The following NFIA variants were observed in gnomAD, a reference collection of about 807,000 sequenced individuals.
NFIA encodes nuclear factor 1 A-type.
Under a neutral mutation model 62.8 loss-of-function variants are expected in NFIA, and 8 were observed. The ratio of observed to expected loss-of-function variants is 0.13; its 90% CI spans 0.07 to 0.23. NFIA has a LOEUF of 0.23. NFIA is among the 10% of genes least tolerant of loss of function. NFIA has a pLI of 1.00. For missense variants in NFIA, 410 were observed against 642.1 expected (o/e 0.64, Z 3.91); for synonymous variants, 235 against 238.1 (o/e 0.99, Z 0.12).
chr1:61,163,465 G>A (rs1407323640), intron 2 of NFIA, among the ~76,000 whole-genome samples: 2 of 152,054 alleles, frequency 1.3e-5, no homozygotes, highest in East Asian at 1.9e-4. Context: ...AAACATCATG[G>A]TATTTGTAAA....
In NFIA at chr1:61,361,647, CTT is replaced by C. The variant is rs754138084; in HGVS notation, c.946+2376_946+2377del. Among the ~76,000 whole-genome samples, 5 of 152,178 alleles carry C rather than the reference CTT, an allele frequency of 3.3e-5. No homozygotes were observed. The South Asian group carries it at 8.3e-4, about 25-fold the overall frequency. On this transcript the variant is annotated intron_variant, in intron 6 of 10. Coordinates refer to ENST00000403491, the MANE Select transcript of NFIA (RefSeq NM_001134673.4). Reference sequence around the variant, plus strand: ...TACAGAATATTTTGACCTAGTGACTCTTTTATTCAGGGCAATTCCTATTCCTA... The same window carrying C: ...TACAGAATATTTTGACCTAGTGACTCTTATTCAGGGCAATTCCTATTCCTA...
intron 3 of NFIA, among the ~76,000 whole-genome samples, chr1:61,314,700 A>C (rs978149963): frequency 6.6e-6 from 1 of 152,128 alleles, no homozygotes; most frequent in African/African-American, 2.4e-5. Flanking sequence ...GTTGCCCCCC[A>C]TAAATTTGAC....
rs538521743 is a variant in NFIA, at chr1:61,370,145, G to A, written c.946+10871G>A. ...ACGCTGCTGTGCAGCAGTTTCTCAT[G>A]AGGCTGTGCACATCCCAATTGCTTT... On this transcript the variant is annotated intron_variant, in intron 6 of 10. Transcript: ENST00000403491. 2.0e-5 allele frequency among the ~76,000 whole-genome samples: 3 copies of A among 152,332 alleles called. No individual in the cohort carries two copies. In the South Asian group the frequency reaches 6.2e-4, roughly 32 times the overall value.
chr1:61,371,823 G>A (rs1033993508), intron 6 of NFIA, among the ~76,000 whole-genome samples: 3 of 152,094 alleles, frequency 2.0e-5, no homozygotes, highest in African/African-American at 7.2e-5. Flanking sequence ...CTTTGGTTTG[G>A]GTGTAGCCAG....
intron 5 of NFIA, among the ~76,000 whole-genome samples, chr1:61,354,031 T>C (rs1296687167): frequency 6.6e-6 from 1 of 152,208 alleles, no homozygotes; most frequent in Non-Finnish European, 1.5e-5. Flanking sequence ...CTGTTTGTTT[T>C]TCATGTGTGT....
chr1:61,140,634 T>G (rs1355423434), intron 2 of NFIA, among the ~76,000 whole-genome samples: 2 of 152,166 alleles, frequency 1.3e-5, no homozygotes, highest in Non-Finnish European at 2.9e-5. Flanking sequence ...AAGAACATTT[T>G]CAGATTGTTT....
chr1:61,247,715 G>A (rs893811774), intron 2 of NFIA, among the ~76,000 whole-genome samples: 3 of 152,188 alleles, frequency 2.0e-5, no homozygotes, highest in Middle Eastern at 3.4e-3. Context: ...CAAATATTGG[G>A]CCTTTGAGTT....
At chr1:61,109,816 A>C (rs1646665429) in intron 2 of NFIA, among the ~76,000 whole-genome samples, 1 of 151,974 alleles carries the variant, frequency 6.6e-6, no homozygotes, top group Non-Finnish European at 1.5e-5. Context: ...TGATCCACAA[A>C]GAGGATTTGC....
chr1:61,130,059 C>T (rs1187809707), intron 2 of NFIA, among the ~76,000 whole-genome samples: 1 of 152,052 alleles, frequency 6.6e-6, no homozygotes, highest in African/African-American at 2.4e-5. Flanking sequence ...TTCCAGATAG[C>T]TAAAGTCAAT....
In NFIA at chr1:61,235,259, G is replaced by A. The variant is rs1004871717; in HGVS notation, c.560-42261G>A. ...GTGTGGATCATGAGGTCAGGAGATC[G>A]AGACCATCCTGTCTAACACGGTGAA... On this transcript the variant is annotated intron_variant, in intron 2 of 10. Transcript: ENST00000403491. Among the ~76,000 whole-genome samples the A allele has an allele frequency of 3.3e-5, 5 of 152,034 alleles. No individual in the cohort carries two copies. In the South Asian group the frequency reaches 8.3e-4, roughly 25 times the overall value.
At chr1:61,321,619 A>G (rs1202017609) in intron 3 of NFIA, among the ~76,000 whole-genome samples, 3 of 152,150 alleles carry the variant, frequency 2.0e-5, no homozygotes, top group African/African-American at 7.2e-5. Flanking sequence ...AGGTAGACAT[A>G]TTCAGGGAAA....
intron 4 of NFIA, among the ~76,000 whole-genome samples, chr1:61,333,075 A>ACG (rs1661393231): frequency 6.6e-6 from 1 of 151,290 alleles, no homozygotes; most frequent in African/African-American, 2.4e-5. Flanking sequence ...ACATACACAC[A>ACG]CACACACACA....
intron 2 of NFIA, among the ~76,000 whole-genome samples, chr1:61,146,102 G>C (rs530257923): frequency 6.6e-6 from 1 of 152,252 alleles, no homozygotes; most frequent in African/African-American, 2.4e-5. Context: ...TGTTCCTTGG[G>C]CCTTCCAGCA....
intron 2 of NFIA, among the ~76,000 whole-genome samples, chr1:61,103,542 G>A (rs1003602333): frequency 6.6e-6 from 1 of 152,146 alleles, no homozygotes; most frequent in African/African-American, 2.4e-5. Flanking sequence ...TCTGAGCAGG[G>A]ACTGGGTTGT....
At position 61,106,953 on chromosome 1, in the gene NFIA, C is replaced by T. The variant is rs1646612729; in HGVS notation, c.559+18273C>T. On this transcript the variant is annotated intron_variant, in intron 2 of 10. Transcript: ENST00000403491. ...ATATATACACACATACATATACATACATATATATATATAAATACATATACA... is the reference window on the plus strand; with the variant it reads ...ATATATACACACATACATATACATATATATATATATATAAATACATATACA... Among the ~76,000 whole-genome samples, 3 of 150,238 alleles carry T rather than the reference C, an allele frequency of 2.0e-5. No homozygotes were observed. The South Asian group carries it at 6.3e-4, about 31-fold the overall frequency.
chr1:61,386,670 A>T (rs562112310), intron 7 of NFIA, among the ~76,000 whole-genome samples: 2 of 152,258 alleles, frequency 1.3e-5, no homozygotes, highest in Non-Finnish European at 2.9e-5. Flanking sequence ...CATAAGCTAC[A>T]TTTGGAAATT....
chr1:61,332,116 T>C (rs911633194), intron 3 of NFIA, among the ~76,000 whole-genome samples: 1 of 152,248 alleles, frequency 6.6e-6, no homozygotes, highest in African/African-American at 2.4e-5. Context: ...CAAATGTTTC[T>C]TTAGAGAATA....
chr1:61,336,634 T>C (rs1248049142), intron 4 of NFIA, among the ~76,000 whole-genome samples: 1 of 152,194 alleles, frequency 6.6e-6, no homozygotes, highest in African/African-American at 2.4e-5. Context: ...TGGAATAGTT[T>C]TACTGCCCTA....
chr1:61,429,790 A>G (rs572760243), intron 10 of NFIA, among the ~76,000 whole-genome samples: 4 of 152,374 alleles, frequency 2.6e-5, no homozygotes, highest in Non-Finnish European at 5.9e-5. Context: ...TCTTGAAGAC[A>G]TTCTGCTCAG....
Sources: gnomAD v4.1 joint callset for allele counts (sites outside exome capture counted in the v4.1 genomes callset) on GRCh38, gnomAD v4.1.1 for gene constraint, MANE v1.5 for transcripts, NCBI Gene and HGNC (gene_info 2026-07-23, HGNC 2026-07-21) for gene names.